Variants in ROBO2 observed in about 807,000 individuals in gnomAD.
The protein encoded by ROBO2 is roundabout guidance receptor 2, also known as roundabout homolog 2.
Under a neutral mutation model 160.8 loss-of-function variants are expected in ROBO2, and 53 were observed. That is an observed-to-expected ratio of 0.33 (90% CI 0.26 to 0.41). The LOEUF is 0.41. Among genes scored for constraint, ROBO2 ranks in the 10% least tolerant of loss-of-function variants. The pLI is 1.00. For missense variants in ROBO2, 1,577 were observed against 1,722.4 expected (o/e 0.92, Z 1.49); for synonymous variants, 664 against 611.7 (o/e 1.09, Z -1.26).
chr3:76,883,148 A>G (rs769352389), intron 2 of ROBO2, among the ~76,000 whole-genome samples: 2 of 152,150 alleles, frequency 1.3e-5, no homozygotes, highest in African/African-American at 4.8e-5. Flanking sequence ...TTTAATTACT[A>G]AAAAATACCC....
rs6767952 is a variant in ROBO2, at chr3:76,909,560, A to G, written c.110-188454A>G. On this transcript the variant is annotated intron_variant, in intron 2 of 26. Transcript: ENST00000487694. Reference sequence around the variant, plus strand: ...TCCCCTCAAAAAACTGAAACAAAAAAAATAATAATTTTTTCAAAAAGAATT... The same window carrying G: ...TCCCCTCAAAAAACTGAAACAAAAAGAATAATAATTTTTTCAAAAAGAATT... Among the ~76,000 whole-genome samples the G allele has an allele frequency of 1.7e-3, 253 of 152,284 alleles. 1 individual carries two copies. The highest frequency in any genetic ancestry group is 5.9e-3 in the African/African-American group (246 of 41,542).
chr3:77,463,597 T>C (rs1220767707), intron 2 of ROBO2, among the ~76,000 whole-genome samples: 1 of 152,040 alleles, frequency 6.6e-6, no homozygotes, highest in Non-Finnish European at 1.5e-5. Flanking sequence ...ATTAGTTTTC[T>C]TGAGACAGAG....
At chr3:76,269,455 T>C (rs1264842118) in intron 2 of ROBO2, among the ~76,000 whole-genome samples, 1 of 152,050 alleles carries the variant, frequency 6.6e-6, no homozygotes, top group African/African-American at 2.4e-5. Flanking sequence ...AATACAAATA[T>C]ATGTAAACCA....
chr3:77,158,743 G>C (rs2078232998), intron 2 of ROBO2, among the ~76,000 whole-genome samples: 1 of 152,086 alleles, frequency 6.6e-6, no homozygotes, highest in Admixed American at 6.6e-5. Flanking sequence ...AAATATGTGA[G>C]TGTTCAGTGC....
intron 13 of ROBO2, among the ~76,000 whole-genome samples, 194 bp from the exon 15 acceptor site, chr3:77,574,305 A>C (rs909810388): frequency 6.6e-6 from 1 of 152,010 alleles, no homozygotes; most frequent in Non-Finnish European, 1.5e-5. Context: ...TTCATTTTGG[A>C]AACAATCTTA....
chr3:77,426,677 TCAGGAAGG>T (rs1240782045), intron 2 of ROBO2, among the ~76,000 whole-genome samples: 2 of 108,608 alleles, frequency 1.8e-5, no homozygotes, highest in Non-Finnish European at 3.7e-5. Context: ...TATCATTTGG[TCAGGAAGG>T]AAGGAAGGAA....
chr3:77,094,873 T>C (rs1444683882), intron 1 of ROBO2, among the ~76,000 whole-genome samples: 1 of 152,304 alleles, frequency 6.6e-6, no homozygotes. Context: ...CCTTTGCCTA[T>C]TTTAAAATTT....
chr3:77,293,677 G>A lies in ROBO2; in HGVS notation c.389-183737G>A, dbSNP rs1312841853. Among the ~76,000 whole-genome samples, 12 of 137,958 alleles carry A rather than the reference G, an allele frequency of 8.7e-5. 2 individuals are homozygous for A. The highest frequency in any genetic ancestry group is 4.5e-4 in the Admixed American group (6 of 13,244). The allele number at this position is 137,958 out of a possible 152,430, so 90.5% of individuals were successfully genotyped here. ...ACCCAGACATAAAGTAAAATTGATG[G>A]TTAAATGGGAAGTTGAGGCTAGAAC... is the stretch of plus-strand genomic sequence containing the variant. On this transcript the variant is annotated intron_variant, in intron 2 of 25. Coordinates refer to ENST00000461745, the Ensembl canonical transcript of ROBO2.
chr3:75,978,173 A>C (rs1156549557), intron 2 of ROBO2, among the ~76,000 whole-genome samples: 1 of 151,546 alleles, frequency 6.6e-6, no homozygotes, highest in East Asian at 2.0e-4. Flanking sequence ...TTGAATTGGA[A>C]TCATGGTGCC....
Position 76,406,277 on chromosome 3 carries a change from G to T in ROBO2, c.109+468675G>T, listed in dbSNP as rs971778934. On this transcript the variant is annotated intron_variant, in intron 2 of 26. Transcript: ENST00000487694. ...TTGTTATTAAGCAAGTAAGTTTTGTGAAACATCCACAGTGAGGTATGTTTG... is the reference window on the plus strand; with the variant it reads ...TTGTTATTAAGCAAGTAAGTTTTGTTAAACATCCACAGTGAGGTATGTTTG... Among the ~76,000 whole-genome samples, 5 of 151,774 alleles carry T rather than the reference G, an allele frequency of 3.3e-5. No homozygotes were observed. In the East Asian group the frequency reaches 9.7e-4, roughly 29 times the overall value.
At chr3:76,391,094 A>G (rs1193404832) in intron 2 of ROBO2, among the ~76,000 whole-genome samples, 1 of 152,064 alleles carries the variant, frequency 6.6e-6, no homozygotes, top group South Asian at 2.1e-4. Flanking sequence ...ATGTTATAAT[A>G]AATATTATAA....
At chr3:76,261,938 TGGA>T (rs1706796327) in intron 2 of ROBO2, among the ~76,000 whole-genome samples, 1 of 152,138 alleles carries the variant, frequency 6.6e-6, no homozygotes, top group Admixed American at 6.6e-5. Flanking sequence ...ATACGATTTT[TGGA>T]GGAGATGTAT....
intron 2 of ROBO2, among the ~76,000 whole-genome samples, chr3:76,863,327 G>T (rs745403885): frequency 1.3e-5 from 2 of 151,536 alleles, no homozygotes; most frequent in African/African-American, 2.4e-5. Flanking sequence ...CTCCTGTTAA[G>T]TTGTTGGTTG....
chr3:77,316,961 T>C, intron 2 of ROBO2: 6 of 1,391,430 alleles, frequency 4.3e-6, no homozygotes, highest in Non-Finnish European at 6.1e-6. Context: ...CGCGTGTTAC[T>C]GTTTCCTGCT....
intron 2 of ROBO2, among the ~76,000 whole-genome samples, chr3:76,480,707 A>G (rs754126644): frequency 1.3e-5 from 2 of 152,120 alleles, no homozygotes; most frequent in Non-Finnish European, 2.9e-5. Flanking sequence ...CATGCATCCC[A>G]ATATCTTTCT....
At chr3:77,181,945 G>A (rs79865674) in intron 2 of ROBO2, among the ~76,000 whole-genome samples, 8,813 of 151,994 alleles carry the variant, frequency 0.058, 273 homozygotes, top group Admixed American at 0.092. Flanking sequence ...ATTGTAGTTA[G>A]GATAACCCTG....
chr3:76,515,533 T>C (rs1379870884), intron 2 of ROBO2, among the ~76,000 whole-genome samples: 1 of 151,874 alleles, frequency 6.6e-6, no homozygotes. Context: ...AGGACTCAGG[T>C]ATGTTGAATT....
chr3:77,371,485 T>A (rs1207930534), intron 2 of ROBO2, among the ~76,000 whole-genome samples: 1 of 152,204 alleles, frequency 6.6e-6, no homozygotes, highest in Non-Finnish European at 1.5e-5. Context: ...AAATGAGAAC[T>A]TACATACTAG....
chr3:76,014,511 TATAAAA>T (rs2066340085), intron 2 of ROBO2, among the ~76,000 whole-genome samples: 1 of 65,970 alleles, frequency 1.5e-5, no homozygotes. Context: ...AAGTAATATG[TATAAAA>T]GCAATTGGTG....
Sources: gnomAD v4.1 joint callset for allele counts (sites outside exome capture counted in the v4.1 genomes callset) on GRCh38, gnomAD v4.1.1 for gene constraint, MANE v1.5 for transcripts, NCBI Gene and HGNC (gene_info 2026-07-23, HGNC 2026-07-21) for gene names.